The following ARHGEF12 variants were observed in gnomAD, a reference collection of about 807,000 sequenced individuals.
ARHGEF12 encodes KMT2A/ARHGEF12 fusion protein.
A neutral mutation model predicts 211.2 loss-of-function variants in ARHGEF12; 66 were observed. The observed-to-expected ratio is 0.31, with a 90% CI of 0.26 to 0.38. The LOEUF is 0.38. ARHGEF12 is among the 10% of genes least tolerant of loss of function. ARHGEF12 has a pLI of 1.00. For synonymous variants in ARHGEF12, 592 were observed against 638.4 expected (o/e 0.93, Z 1.09); for missense variants, 1,429 against 1,869.5 (o/e 0.76, Z 4.34).
chr11:120,421,301 A>AT (rs542052423), intron 5 of ARHGEF12, among the ~76,000 whole-genome samples: 195 of 152,140 alleles, frequency 1.3e-3, no homozygotes, highest in African/African-American at 4.2e-3. Flanking sequence ...GAGGTAGACA[A>AT]TTTTTTTATC....
chr11:120,445,528 T>C, intron 16 of ARHGEF12, 64 bp downstream of exon 16: 1 of 1,506,808 alleles, frequency 6.6e-7, no homozygotes, highest in African/African-American at 1.4e-5. Flanking sequence ...TCAGCTCATC[T>C]GTTCAGGTTT....
intron 1 of ARHGEF12, among the ~76,000 whole-genome samples, chr11:120,383,715 C>T (rs1199411804): frequency 6.6e-6 from 1 of 152,126 alleles, no homozygotes; most frequent in Non-Finnish European, 1.5e-5. Context: ...GCTGAAGCTT[C>T]ACTTGCTCAC....
chr11:120,467,412 C>T, intron 29 of ARHGEF12, 104 bp downstream of exon 29: 1 of 519,194 alleles, frequency 1.9e-6, no homozygotes, highest in South Asian at 3.2e-5. Flanking sequence ...GTTGGATTTC[C>T]AAATAGTATG....
chr11:120,365,514 T>C (rs1178673794), intron 1 of ARHGEF12, among the ~76,000 whole-genome samples: 1 of 152,200 alleles, frequency 6.6e-6, no homozygotes, highest in African/African-American at 2.4e-5. Context: ...AGATGAAAGT[T>C]TGGCTCTTAA....
At chr11:120,413,510 A>G (rs754144853) in intron 4 of ARHGEF12, among the ~76,000 whole-genome samples, 1 of 152,198 alleles carries the variant, frequency 6.6e-6, no homozygotes, top group Non-Finnish European at 1.5e-5. Flanking sequence ...CACTCATCCT[A>G]ATTGAATCTT....
At chr11:120,389,036 T>G (rs1591531872) in intron 1 of ARHGEF12, among the ~76,000 whole-genome samples, 1 of 151,852 alleles carries the variant, frequency 6.6e-6, no homozygotes, top group East Asian at 1.9e-4. Flanking sequence ...CTAATTTATT[T>G]CTAGTTTTAG....
At chr11:120,470,021 GA>G (rs1254607571) in intron 30 of ARHGEF12, among the ~76,000 whole-genome samples, 1 of 152,190 alleles carries the variant, frequency 6.6e-6, no homozygotes, top group East Asian at 1.9e-4. Flanking sequence ...TGGAAGAATT[GA>G]AAATTTACAT....
intron 1 of ARHGEF12, among the ~76,000 whole-genome samples, chr11:120,377,458 A>G (rs1295865537): frequency 6.6e-6 from 1 of 151,692 alleles, no homozygotes; most frequent in Non-Finnish European, 1.5e-5. Flanking sequence ...CTCCCACCTC[A>G]TGCTCCCAAG....
In ARHGEF12 at chr11:120,480,005, A is replaced by T; in HGVS notation, c.3812A>T (p.Glu1271Val). 1.2e-6 allele frequency: 2 copies of T among 1,614,118 alleles called. No individual in the cohort carries two copies. Among genetic ancestry groups the T allele is most frequent in the South Asian group, 2.2e-5 (2 of 91,076 alleles). ...CTGGTGCAACAGCTAGGTTTGACTGAGAAGAGCGTTCAGGAAGACTGGCAA... is the reference window on the plus strand; with the variant it reads ...CTGGTGCAACAGCTAGGTTTGACTGTGAAGAGCGTTCAGGAAGACTGGCAA... ...QLLVQQLGLT[E>V]KSVQEDWQHF... Residue 1271 changes from glutamate to valine, a missense_variant, in exon 38 of 41, where the codon GAG becomes GTG. This residue lies in a region of ARHGEF12 where 467 missense variants were observed against 468.4 expected (regional missense o/e 1.00). Transcript: ENST00000397843.
intron 1 of ARHGEF12, among the ~76,000 whole-genome samples, chr11:120,367,353 CTTTTTTTTTTTTTTTTTTT>C (rs1025919456): frequency 1.7e-5 from 1 of 59,350 alleles, no homozygotes; most frequent in Non-Finnish European, 2.9e-5. Flanking sequence ...ATACTTTTTC[CTTTTTTTTTTTTTTTTTTT>C]TTTTTTTTTT....
chr11:120,474,847 T>C (rs1946982862), intron 32 of ARHGEF12, among the ~76,000 whole-genome samples: 1 of 152,230 alleles, frequency 6.6e-6, no homozygotes, highest in Non-Finnish European at 1.5e-5. Flanking sequence ...GGAGAACTGA[T>C]TTAGTCCTAT....
chr11:120,382,274 G>A (rs925737972), intron 1 of ARHGEF12, among the ~76,000 whole-genome samples: 2 of 152,212 alleles, frequency 1.3e-5, no homozygotes, highest in East Asian at 3.8e-4. Flanking sequence ...TATAGAAATG[G>A]AGTTGTGCAG....
chr11:120,472,696 C>A (rs1946903906), intron 30 of ARHGEF12, among the ~76,000 whole-genome samples: 1 of 151,902 alleles, frequency 6.6e-6, no homozygotes. Context: ...GCTGTGTCGC[C>A]CAGGCTGGAG....
intron 6 of ARHGEF12, among the ~76,000 whole-genome samples, chr11:120,423,556 A>G (rs1233316027): frequency 6.6e-6 from 1 of 152,112 alleles, no homozygotes; most frequent in African/African-American, 2.4e-5. Context: ...GTCAGTGTGT[A>G]TCTTTATTGA....
chr11:120,385,586 A>G (rs1944005480), intron 1 of ARHGEF12: 3 of 598,400 alleles, frequency 5.0e-6, no homozygotes, highest in Non-Finnish European at 6.3e-6. Flanking sequence ...TAACAGGAAT[A>G]AAATAGAAAG....
At chr11:120,458,367 G>T (rs551509243) in intron 25 of ARHGEF12, 133 bp downstream of exon 25, 2 of 951,978 alleles carry the variant, frequency 2.1e-6, no homozygotes, top group Non-Finnish European at 1.6e-6. Flanking sequence ...AAATTAAACT[G>T]GACAGATAAT....
rs1947446391 is a variant in ARHGEF12, at chr11:120,488,271, T to A, written c.*3194T>A. 1 of 215,460 alleles carries A rather than the reference T, an allele frequency of 4.6e-6. No individual in the cohort carries two copies. Among genetic ancestry groups the A allele is most frequent in the African/African-American group, 2.3e-5 (1 of 44,386 alleles). The allele number at this position is 215,460 out of a possible 1,614,324, so 13.3% of individuals were successfully genotyped here. On this transcript the variant is annotated 3_prime_UTR_variant, in exon 41 of 41. Coordinates refer to ENST00000397843, the MANE Select transcript of ARHGEF12 (RefSeq NM_015313.3). ...AAAGTGGAAGCTTTCTTCTCTGAAGTCGATATATGGTTTTGAATTACTAGA... is the reference window on the plus strand; with the variant it reads ...AAAGTGGAAGCTTTCTTCTCTGAAGACGATATATGGTTTTGAATTACTAGA...
At chr11:120,463,523 C>G (rs1363459342) in intron 27 of ARHGEF12, 4 of 82,790 alleles carry the variant, frequency 4.8e-5, no homozygotes, top group African/African-American at 2.5e-4. Flanking sequence ...GAAACTCAGT[C>G]TCAAAAAAAA....
intron 4 of ARHGEF12, among the ~76,000 whole-genome samples, chr11:120,415,346 A>G (rs1204674905): frequency 6.6e-6 from 1 of 152,106 alleles, no homozygotes; most frequent in Non-Finnish European, 1.5e-5. Flanking sequence ...CCAGGATTTT[A>G]TGTTCTTTGA....
Sources: allele counts gnomAD v4.1 joint callset (sites outside exome capture counted in the v4.1 genomes callset), GRCh38; gene constraint gnomAD v4.1.1; regional missense constraint gnomAD v4.1.1; transcripts MANE v1.5; gene names NCBI Gene and HGNC (gene_info 2026-07-23, HGNC 2026-07-21).